The following CSMD3 variants were observed in gnomAD, a reference collection of about 807,000 sequenced individuals.
The protein encoded by CSMD3 is CUB and sushi domain-containing protein 3.
In CSMD3, 177 loss-of-function variants were observed where a neutral mutation model predicts 435.2. The ratio of observed to expected loss-of-function variants is 0.41; its 90% confidence interval spans 0.36 to 0.46. The LOEUF (loss-of-function observed/expected upper bound fraction) is 0.46, where lower values mean the gene tolerates loss of function less well. CSMD3 is among the 20% of genes least tolerant of loss of function. The pLI is 0.34. For missense variants in CSMD3, 4,265 were observed against 4,504.6 expected (o/e 0.95, Z 1.52); for synonymous variants, 1,656 against 1,520.5 (o/e 1.09, Z -2.07).
At chr8:112,965,483 T>A (rs1346201302) in intron 7 of CSMD3, among the ~76,000 whole-genome samples, 1 of 151,708 alleles carries the variant, frequency 6.6e-6, no homozygotes, top group Non-Finnish European at 1.5e-5. Context: ...CTGAAAAAAA[T>A]ATATAGGTTT....
chr8:113,123,266 A>G (rs545485033), intron 4 of CSMD3, among the ~76,000 whole-genome samples: 10 of 152,204 alleles, frequency 6.6e-5, no homozygotes, highest in African/African-American at 2.2e-4. Flanking sequence ...TTCCCTCATT[A>G]ATTAATAAGC....
In CSMD3 at chr8:112,676,348, C is replaced by T. The variant is rs116914007; in HGVS notation, c.2677+6094G>A. On this transcript the variant is annotated intron_variant, in intron 16 of 70. Coordinates refer to ENST00000297405, the MANE Select transcript of CSMD3 (RefSeq NM_198123.2). ...CCAAAATGTAGCTCTGGGACATGCA[C>T]TTAAACAGATCACAGAGAGGAGGAG... is the stretch of plus-strand genomic sequence containing the variant. Among the ~76,000 whole-genome samples, 40 of 152,044 alleles carry T rather than the reference C, an allele frequency of 2.6e-4. No homozygotes were observed. The East Asian group carries it at 6.9e-3, about 26-fold the overall frequency.
At chr8:112,988,986 G>GT (rs2085351104) in intron 6 of CSMD3, among the ~76,000 whole-genome samples, 1 of 152,030 alleles carries the variant, frequency 6.6e-6, no homozygotes, top group South Asian at 2.1e-4. Flanking sequence ...CACTCAACAA[G>GT]TATTTATTGT....
At chr8:112,456,541 T>C (rs1037997700) in intron 32 of CSMD3, among the ~76,000 whole-genome samples, 1 of 152,122 alleles carries the variant, frequency 6.6e-6, no homozygotes, top group Non-Finnish European at 1.5e-5. Context: ...GTACAAAATA[T>C]ACTTAAAATC....
chr8:113,422,622 A>G (rs576381489), intron 1 of CSMD3, among the ~76,000 whole-genome samples: 2 of 152,268 alleles, frequency 1.3e-5, no homozygotes, highest in African/African-American at 4.8e-5. Flanking sequence ...GATGGGGTAG[A>G]AACAAGACCC....
At chr8:112,497,480 AATATAT>A (rs34936636) in intron 30 of CSMD3, among the ~76,000 whole-genome samples, 10 of 144,668 alleles carry the variant, frequency 6.9e-5, no homozygotes, top group Admixed American at 1.4e-4. Flanking sequence ...GTACTCCATA[AATATAT>A]ATATATATAT....
intron 7 of CSMD3, among the ~76,000 whole-genome samples, chr8:112,974,237 A>G (rs933077781): frequency 6.6e-6 from 1 of 151,896 alleles, no homozygotes; most frequent in Admixed American, 6.6e-5. Context: ...TGACTATTAA[A>G]CTTTTCTATT....
At chr8:112,548,490 T>C (rs1255631569) in intron 27 of CSMD3, among the ~76,000 whole-genome samples, 45 of 152,186 alleles carry the variant, frequency 3.0e-4, no homozygotes, top group Admixed American at 2.9e-3. Context: ...TTCAGACATG[T>C]GAGTTTCAGT....
intron 13 of CSMD3, among the ~76,000 whole-genome samples, chr8:112,704,010 G>A (rs2076446047): frequency 1.3e-5 from 2 of 152,032 alleles, no homozygotes; most frequent in African/African-American, 4.8e-5. Flanking sequence ...ATTTAGAATG[G>A]CAGCAAGTAT....
At chr8:113,397,303 G>T (rs1418642650) in intron 1 of CSMD3, among the ~76,000 whole-genome samples, 1 of 151,816 alleles carries the variant, frequency 6.6e-6, no homozygotes, top group Non-Finnish European at 1.5e-5. Flanking sequence ...AAACATTTAC[G>T]TTTCTTCTTT....
intron 58 of CSMD3, among the ~76,000 whole-genome samples, chr8:112,282,221 G>T (rs1818721758): frequency 6.6e-6 from 1 of 151,394 alleles, no homozygotes; most frequent in South Asian, 2.1e-4. Flanking sequence ...CCTATCATTT[G>T]TATAACTGCC....
chr8:113,163,923 T>C (rs540987909), intron 4 of CSMD3, among the ~76,000 whole-genome samples: 1 of 152,178 alleles, frequency 6.6e-6, no homozygotes, highest in Admixed American at 6.5e-5. Context: ...TCCTCTCATA[T>C]TACTAATATT....
chr8:112,323,497 G>A (rs1411680885), intron 45 of CSMD3, among the ~76,000 whole-genome samples: 1 of 151,848 alleles, frequency 6.6e-6, no homozygotes, highest in Non-Finnish European at 1.5e-5. Context: ...AAATTATGGG[G>A]GTACCCTTAA....
chr8:112,891,943 C>A (rs1196907551), intron 10 of CSMD3, among the ~76,000 whole-genome samples: 2 of 151,182 alleles, frequency 1.3e-5, no homozygotes, highest in African/African-American at 4.9e-5. Flanking sequence ...GTGTTATCTT[C>A]AGGGCAGAAA....
rs151326554 is a variant in CSMD3 at position 112,877,647 on chromosome 8, C to A, written c.1634-18381G>T. Among the ~76,000 whole-genome samples the A allele has an allele frequency of 2.8e-3, 420 of 152,254 alleles. 6 individuals are homozygous for A. The highest frequency in any genetic ancestry group is 9.6e-3 in the African/African-American group (398 of 41,558). On this transcript the variant is annotated intron_variant, in intron 10 of 70. Transcript: ENST00000297405. ...AAAAAGAACAAAGCTGGAGGCACCA[C>A]ACTACCTGACTTCAAACTATAACTA...
At chr8:112,406,302 A>G (rs79114755) in intron 35 of CSMD3, among the ~76,000 whole-genome samples, 3,094 of 152,242 alleles carry the variant, frequency 0.02, 102 homozygotes, top group African/African-American at 0.07. Context: ...GTAAATGAGG[A>G]AATTATTTAG....
At chr8:112,430,752 T>A (rs950177223) in intron 32 of CSMD3, among the ~76,000 whole-genome samples, 2 of 152,080 alleles carry the variant, frequency 1.3e-5, no homozygotes, top group Non-Finnish European at 2.9e-5. Context: ...TGGATAATAC[T>A]CAGTTCACTG....
At chr8:112,513,934 T>C (rs959493239) in intron 28 of CSMD3, among the ~76,000 whole-genome samples, 4 of 152,194 alleles carry the variant, frequency 2.6e-5, no homozygotes, top group African/African-American at 9.6e-5. Flanking sequence ...GATGCATACA[T>C]ACATGTAGAT....
intron 32 of CSMD3, among the ~76,000 whole-genome samples, chr8:112,439,633 G>A (rs2130486293): frequency 6.6e-6 from 1 of 152,228 alleles, no homozygotes; most frequent in African/African-American, 2.4e-5. Context: ...AGGCTTAATT[G>A]ACTCACAGTT....
Sources: gnomAD v4.1 joint callset for allele counts (sites outside exome capture counted in the v4.1 genomes callset) on GRCh38, gnomAD v4.1.1 for gene constraint, MANE v1.5 for transcripts, NCBI Gene and HGNC (gene_info 2026-07-23, HGNC 2026-07-21) for gene names.